The following WDR33 variants were observed in gnomAD, a reference collection of about 807,000 sequenced individuals.
The protein encoded by WDR33 is pre-mRNA 3' end processing protein WDR33.
In WDR33, 47 loss-of-function variants were observed where a neutral mutation model predicts 164.9. That is an observed-to-expected ratio of 0.29 (90% CI 0.23 to 0.36). The LOEUF (loss-of-function observed/expected upper bound fraction) is 0.36. WDR33 is among the 10% of genes least tolerant of loss of function. WDR33 has a pLI of 1.00. For missense variants in WDR33, 1,137 were observed against 1,754.1 expected (o/e 0.65, Z 6.28); for synonymous variants, 505 against 589.0 (o/e 0.86, Z 2.06).
chr2:127,787,514 G>A (rs1280782770), intron 1 of WDR33, among the ~76,000 whole-genome samples: 4 of 133,728 alleles, frequency 3.0e-5, no homozygotes, highest in African/African-American at 9.3e-5. Context: ...CCTCCCGGAC[G>A]GGGCGGCTGG....
rs546614667 is a variant in WDR33 at position 127,713,861 on chromosome 2, G to A, written c.3030C>T (p.Pro1010=). The part of the protein sequence containing the change: ...PDRRGPHPDF[P]DDFSRPDDFH... ...AGTCATCTGGTCTGCTGAAGTCATC[G>A]GGGAAGTCTGGGTGAGGGCCACGCC... Residue 1010 remains proline, a synonymous_variant, in exon 18 of 22, where the codon CCC becomes CCT. Transcript: ENST00000322313. The surrounding 1 kb of genome is among the most constrained non-coding windows in gnomAD (Gnocchi z 6.2). 72 of 1,614,240 alleles carry A rather than the reference G, an allele frequency of 4.5e-5. No individual in the cohort carries two copies. Among genetic ancestry groups the A allele is most frequent in the Non-Finnish European group, 5.8e-5 (68 of 1,180,048 alleles).
chr2:127,797,301 G>A (rs1689074927), intron 1 of WDR33, among the ~76,000 whole-genome samples: 1 of 152,068 alleles, frequency 6.6e-6, no homozygotes, highest in African/African-American at 2.4e-5. Flanking sequence ...ATACCAGCCT[G>A]GCCAACATGG....
intron 7 of WDR33, among the ~76,000 whole-genome samples, chr2:127,728,810 T>C (rs1033105640): frequency 6.6e-6 from 1 of 152,190 alleles, no homozygotes; most frequent in South Asian, 2.1e-4. Context: ...AATTACAATG[T>C]ACAATATGAA....
Position 127,713,561 on chromosome 2 carries a change from G to C in WDR33, c.3308+22C>G. ...AAAAGCTCCACTGAAGATGGAATGG[G>C]CCCACAAAGTATCTGTCCCACCTTT... On this transcript the variant is annotated intron_variant, in intron 18 of 21. Coordinates refer to ENST00000322313, the MANE Select transcript of WDR33 (RefSeq NM_018383.5). This position sits in a 1 kb window ranked among gnomAD's most constrained non-coding sequence, Gnocchi z 6.2. The C allele has an allele frequency of 6.2e-7, 1 of 1,611,966 alleles. No individual in the cohort carries two copies. The highest frequency in any genetic ancestry group is 8.5e-7 in the Non-Finnish European group (1 of 1,179,006).
intron 7 of WDR33, chr2:127,737,083 T>A: frequency 1.0e-6 from 1 of 985,446 alleles, no homozygotes. Flanking sequence ...GTATGTTTTG[T>A]GCTAACCAGC....
chr2:127,751,088 C>T (rs181340146), intron 7 of WDR33, among the ~76,000 whole-genome samples: 211 of 151,918 alleles, frequency 1.4e-3, no homozygotes, highest in Admixed American at 3.3e-3. Flanking sequence ...TGGCAAGGCA[C>T]GGTGGCTCAT....
At chr2:127,784,474 T>C (rs981761636) in intron 1 of WDR33, among the ~76,000 whole-genome samples, 13 of 152,192 alleles carry the variant, frequency 8.5e-5, no homozygotes, top group Non-Finnish European at 1.9e-4. Flanking sequence ...AGCTTGACCA[T>C]GTAGGCTCAG....
chr2:127,759,996 T>G (rs535680665), intron 7 of WDR33, among the ~76,000 whole-genome samples: 11 of 152,222 alleles, frequency 7.2e-5, no homozygotes, highest in Non-Finnish European at 1.5e-4. Flanking sequence ...TGTCTCTTCA[T>G]ACTTAACGGC....
intron 5 of WDR33, 56 bp downstream of exon 5, chr2:127,765,118 T>C (rs530034205): frequency 1.3e-6 from 2 of 1,571,960 alleles, no homozygotes; most frequent in South Asian, 2.3e-5. Context: ...AATGACTATA[T>C]CTCAAGTTCT....
chr2:127,730,674 A>G (rs1686679703), intron 7 of WDR33, among the ~76,000 whole-genome samples: 1 of 152,164 alleles, frequency 6.6e-6, no homozygotes, highest in Non-Finnish European at 1.5e-5. Context: ...ATACATACAC[A>G]TTTTTATAAT....
intron 4 of WDR33, among the ~76,000 whole-genome samples, chr2:127,767,179 A>C (rs190860235): frequency 1.3e-5 from 2 of 151,966 alleles, no homozygotes; most frequent in Admixed American, 1.3e-4. Flanking sequence ...TACTCCTCTG[A>C]TATCAGAAGA....
In WDR33 at chr2:127,721,238, AC is replaced by A. The variant is rs1686431023; in HGVS notation, c.1671+597del. Among the ~76,000 whole-genome samples the A allele has an allele frequency of 6.6e-6, 1 of 151,942 alleles. No individual in the cohort carries two copies. The highest frequency in any genetic ancestry group is 1.5e-5 in the Non-Finnish European group (1 of 67,976). The stretch of plus-strand genomic sequence containing the variant: ...TTTTCCTGCCTCAGCCGCCCATGTC[AC>A]TGGGACCACAGGCATGCACCACCAT... On this transcript the variant is annotated intron_variant, in intron 15 of 21. Coordinates refer to ENST00000322313, the MANE Select transcript of WDR33 (RefSeq NM_018383.5). This position sits in a 1 kb window ranked among gnomAD's most constrained non-coding sequence, Gnocchi z 4.9.
rs772013939 is a variant in WDR33, at chr2:127,713,651, G to A, written c.3240C>T (p.Arg1080=). 6.8e-6 allele frequency: 11 copies of A among 1,614,132 alleles called. No individual in the cohort carries two copies. In the African/African-American group the frequency reaches 1.5e-4, roughly 22 times the overall value. The part of the protein sequence containing the change: ...ARGPPGAWEG[R]RPGDERFPRD... ...GGGGGAAACGTTCATCTCCGGGCCT[G>A]CGGCCTTCCCATGCCCCCGGAGGGC... Residue 1080 remains arginine, a synonymous_variant, in exon 18 of 22, where the codon CGC becomes CGT. Transcript: ENST00000322313. The surrounding 1 kb of genome is among the most constrained non-coding windows in gnomAD (Gnocchi z 6.2).
At position 127,720,135 on chromosome 2, in the gene WDR33, T is replaced by C; in HGVS notation, c.1890A>G (p.Gly630=). The C allele has an allele frequency of 6.2e-7, 1 of 1,613,928 alleles. No individual in the cohort carries two copies. The highest frequency in any genetic ancestry group is 8.5e-7 in the Non-Finnish European group (1 of 1,179,954). The stretch of plus-strand genomic sequence containing the variant: ...CTTGTGGTCCCATTTGTCCCTGGGG[T>C]CCAGGAGGCCTAAACTGTCCCTGTG... The part of the protein sequence containing the change: ...PGPQGQFRPP[G]PQGQMGPQGP... The change falls in exon 16 of 22, where the codon GGA becomes GGG. Residue 630 remains glycine, a synonymous_variant. Transcript: ENST00000322313. This position sits in a 1 kb window ranked among gnomAD's most constrained non-coding sequence, Gnocchi z 5.9.
chr2:127,717,032 C>G lies in WDR33; in HGVS notation c.2869+123G>C. The G allele has an allele frequency of 1.0e-6, 1 of 965,282 alleles. No individual in the cohort carries two copies. The highest frequency in any genetic ancestry group is 1.6e-6 in the Non-Finnish European group (1 of 624,332). The allele number at this position is 965,282 out of a possible 1,614,324, so 59.8% of individuals were successfully genotyped here. ...AAAGCTCCTACCTGAATGACCACAC[C>G]CTTATTTTGCCCAGAGGTTCAAATG... On this transcript the variant is annotated intron_variant, in intron 17 of 21. Transcript: ENST00000322313. This position sits in a 1 kb window ranked among gnomAD's most constrained non-coding sequence, Gnocchi z 5.6.
chr2:127,722,923 G>C lies in WDR33; in HGVS notation c.1378+35C>G, dbSNP rs1686475644. Reference sequence around the variant, plus strand: ...ACATAAACGGGTCAAGAAAAAATTTGTAAAAATTAAATGTGTCTGTGTAAC... The same window carrying C: ...ACATAAACGGGTCAAGAAAAAATTTCTAAAAATTAAATGTGTCTGTGTAAC... On this transcript the variant is annotated intron_variant, in intron 13 of 21. Transcript: ENST00000322313. This position sits in a 1 kb window ranked among gnomAD's most constrained non-coding sequence, Gnocchi z 5.1. 6 of 1,566,298 alleles carry C rather than the reference G, an allele frequency of 3.8e-6. No homozygotes were observed. The East Asian group carries it at 1.4e-4, about 35-fold the overall frequency.
chr2:127,797,015 T>C (rs1001568993), intron 1 of WDR33, among the ~76,000 whole-genome samples: 2 of 152,052 alleles, frequency 1.3e-5, no homozygotes, highest in Non-Finnish European at 2.9e-5. Context: ...ATACTCACAG[T>C]GCACCACCAG....
chr2:127,765,472 T>C (rs1687793704), intron 4 of WDR33, among the ~76,000 whole-genome samples: 1 of 152,228 alleles, frequency 6.6e-6, no homozygotes, highest in South Asian at 2.1e-4. Flanking sequence ...CTTTGGTTTA[T>C]TAGCTAAATT....
At chr2:127,729,837 C>T (rs913423859) in intron 7 of WDR33, among the ~76,000 whole-genome samples, 20 of 152,104 alleles carry the variant, frequency 1.3e-4, no homozygotes, top group Non-Finnish European at 2.8e-4. Context: ...ACTTTTGAAC[C>T]ACATGCATGT....
Sources: allele counts gnomAD v4.1 joint callset (sites outside exome capture counted in the v4.1 genomes callset), GRCh38; gene constraint gnomAD v4.1.1; non-coding constraint Gnocchi (gnomAD v3.1); transcripts MANE v1.5; gene names NCBI Gene and HGNC (gene_info 2026-07-23, HGNC 2026-07-21).